The following SIK3 variants were observed in gnomAD, a reference collection of about 807,000 sequenced individuals.
SIK3 encodes the protein SIK family kinase 3, also known as serine/threonine-protein kinase SIK3.
In SIK3, 28 loss-of-function variants were observed where a neutral mutation model predicts 144.2. The observed-to-expected ratio is 0.19, with a 90% CI of 0.14 to 0.27. The LOEUF (loss-of-function observed/expected upper bound fraction) is 0.27, where lower values mean the gene tolerates loss of function less well. SIK3 is among the 10% of genes least tolerant of loss of function. The pLI is 1.00. For missense variants in SIK3, 1,319 were observed against 1,776.0 expected (o/e 0.74, Z 4.62); for synonymous variants, 686 against 676.3 (o/e 1.01, Z -0.22).
At chr11:117,043,237 A>G (rs1952820576) in intron 1 of SIK3, among the ~76,000 whole-genome samples, 1 of 152,188 alleles carries the variant, frequency 6.6e-6, no homozygotes, top group Non-Finnish European at 1.5e-5. Context: ...GGAAAGCTTA[A>G]TGACTGAAAT....
At chr11:117,036,999 A>G (rs75216569) in intron 1 of SIK3, among the ~76,000 whole-genome samples, 11,066 of 152,238 alleles carry the variant, frequency 0.073, 495 homozygotes, top group Middle Eastern at 0.11. Flanking sequence ...GCCTGCCCCC[A>G]TACCTAACTA....
At chr11:116,856,315 A>G (rs1390565099) in intron 21 of SIK3, among the ~76,000 whole-genome samples, 1 of 152,010 alleles carries the variant, frequency 6.6e-6, no homozygotes, top group Non-Finnish European at 1.5e-5. Context: ...CCATACCATT[A>G]TCCCACCTCT....
At chr11:116,952,907 G>A (rs949460851) in intron 3 of SIK3, among the ~76,000 whole-genome samples, 2 of 152,094 alleles carry the variant, frequency 1.3e-5, no homozygotes, top group Admixed American at 6.6e-5. Context: ...TTAAAATAAA[G>A]TATCCCCTCC....
At chr11:116,907,957 T>A (rs1334346358) in intron 4 of SIK3, among the ~76,000 whole-genome samples, 4 of 145,412 alleles carry the variant, frequency 2.8e-5, no homozygotes, top group African/African-American at 1.0e-4. Flanking sequence ...ATAGCCCTAA[T>A]GTGAAAGGTA....
At chr11:117,047,985 T>C (rs575184130) in intron 1 of SIK3, among the ~76,000 whole-genome samples, 19 of 152,280 alleles carry the variant, frequency 1.2e-4, no homozygotes, top group African/African-American at 4.6e-4. Flanking sequence ...TTCATCTTAA[T>C]ATTAGTATTC....
intron 3 of SIK3, among the ~76,000 whole-genome samples, chr11:116,940,232 T>TA (rs946084645): frequency 7.7e-5 from 9 of 116,900 alleles, no homozygotes; most frequent in African/African-American, 3.5e-4. Flanking sequence ...GGTTTTTTTG[T>TA]TTTTTTTTTT....
chr11:116,882,551 G>A (rs1332575292), intron 6 of SIK3, among the ~76,000 whole-genome samples: 1 of 152,160 alleles, frequency 6.6e-6, no homozygotes, highest in East Asian at 1.9e-4. Flanking sequence ...GGTGAGCAAT[G>A]GCATAGAAGA....
intron 4 of SIK3, among the ~76,000 whole-genome samples, chr11:116,920,897 T>C (rs1946931521): frequency 6.6e-6 from 1 of 152,222 alleles, no homozygotes. Context: ...TCTGAACTCC[T>C]ATGCTAATTA....
In SIK3 at chr11:116,875,871, T is replaced by A; in HGVS notation, c.1234A>T (p.Ile412Phe). Residue 412 changes from isoleucine to phenylalanine, a missense_variant, in exon 9 of 25, where the codon ATC becomes TTC. This residue lies in a region of SIK3 where 109 missense variants were observed against 109.3 expected (regional missense o/e 1.00). Coordinates refer to ENST00000445177, the MANE Select transcript of SIK3 (RefSeq NM_001366686.3). The stretch of plus-strand genomic sequence containing the variant: ...TCACTGGAGTTATTGCCCACCTGGA[T>A]ATTGACTGGTGCTTGAAAGGCCAGG... The part of the protein sequence containing the change: ...RALAFQAPVN[I>F]QAEQAGTAMN... The A allele has an allele frequency of 6.2e-7, 1 of 1,602,642 alleles. No homozygotes were observed. The highest frequency in any genetic ancestry group is 1.3e-5 in the African/African-American group (1 of 74,074).
intron 1 of SIK3, among the ~76,000 whole-genome samples, chr11:116,990,769 TC>T (rs1474408336): frequency 6.6e-6 from 1 of 152,164 alleles, no homozygotes; most frequent in Non-Finnish European, 1.5e-5. Flanking sequence ...AACCTCCTCT[TC>T]CACACTGAAT....
chr11:117,046,023 G>C (rs1216994825), intron 1 of SIK3, among the ~76,000 whole-genome samples: 2 of 152,210 alleles, frequency 1.3e-5, no homozygotes, highest in African/African-American at 4.8e-5. Flanking sequence ...TGTTTTTTAT[G>C]ATCACATCAA....
rs139779229 is a variant in SIK3, at chr11:116,848,964, A to G, written c.3819+156T>C. On this transcript the variant is annotated intron_variant, in intron 22 of 24. Transcript: ENST00000445177. ...GGCGACAGAGTGAGACTCCATCTCAAAAAAGAAAAAAAAAGAAATGCTCCC... is the reference window on the plus strand; with the variant it reads ...GGCGACAGAGTGAGACTCCATCTCAGAAAAGAAAAAAAAAGAAATGCTCCC... Among the ~76,000 whole-genome samples the G allele has an allele frequency of 5.3e-4, 80 of 152,328 alleles. 1 individual carries two copies. Among genetic ancestry groups the G allele is most frequent in the Middle Eastern group, 3.4e-3 (1 of 294 alleles).
At chr11:117,047,662 G>A (rs1044824994) in intron 1 of SIK3, among the ~76,000 whole-genome samples, 5 of 152,052 alleles carry the variant, frequency 3.3e-5, no homozygotes, top group Admixed American at 1.3e-4. Context: ...AATAGTTCAG[G>A]GCCAGATGTG....
chr11:117,078,137 T>A (rs926654003), intron 1 of SIK3, among the ~76,000 whole-genome samples: 1 of 152,190 alleles, frequency 6.6e-6, no homozygotes, highest in Non-Finnish European at 1.5e-5. Context: ...CTTAAACTTC[T>A]CTGATGCTCA....
At chr11:116,956,687 T>G (rs1949150856) in intron 2 of SIK3, among the ~76,000 whole-genome samples, 1 of 152,226 alleles carries the variant, frequency 6.6e-6, no homozygotes, top group Non-Finnish European at 1.5e-5. Flanking sequence ...TTTGTGTAGT[T>G]GTTGCTAAGA....
chr11:116,958,724 A>T (rs908308768), intron 1 of SIK3, among the ~76,000 whole-genome samples: 1 of 152,214 alleles, frequency 6.6e-6, no homozygotes, highest in African/African-American at 2.4e-5. Flanking sequence ...GAATTTAATG[A>T]GGATCTCACC....
chr11:117,005,489 G>C (rs528135945), intron 1 of SIK3, among the ~76,000 whole-genome samples: 2 of 152,066 alleles, frequency 1.3e-5, no homozygotes, highest in South Asian at 2.1e-4. Context: ...CTTAGAAACA[G>C]AACAGTGACT....
At chr11:117,046,824 G>C (rs1952986071) in intron 1 of SIK3, among the ~76,000 whole-genome samples, 1 of 152,166 alleles carries the variant, frequency 6.6e-6, no homozygotes, top group Non-Finnish European at 1.5e-5. Context: ...AGGCTGCAGT[G>C]AGCCAAAATC....
chr11:116,949,548 A>G (rs1948836761), intron 3 of SIK3, among the ~76,000 whole-genome samples: 1 of 152,184 alleles, frequency 6.6e-6, no homozygotes, highest in African/African-American at 2.4e-5. Context: ...GGGTCTCCCT[A>G]TGTTGCCTAT....
Sources: gnomAD v4.1 joint callset for allele counts (sites outside exome capture counted in the v4.1 genomes callset) on GRCh38, gnomAD v4.1.1 for gene constraint, gnomAD v4.1.1 regional missense constraint, MANE v1.5 for transcripts, NCBI Gene and HGNC (gene_info 2026-07-23, HGNC 2026-07-21) for gene names.